The following TNKS variants were observed in gnomAD, a reference collection of about 807,000 sequenced individuals.
TNKS encodes tankyrase.
A neutral mutation model predicts 135.8 loss-of-function variants in TNKS; 72 were observed. That is an observed-to-expected ratio of 0.53 (90% CI 0.44 to 0.64). TNKS has a LOEUF of 0.64. Among genes scored for constraint, TNKS ranks in the 30% least tolerant of loss-of-function variants. The probability of loss-of-function intolerance (pLI) is 0.00; values close to 1 mark genes in which losing one functional copy is unlikely to be tolerated. For missense variants in TNKS, 1,769 were observed against 1,674.0 expected, an observed-to-expected ratio of 1.06 and a Z score of -0.99; for synonymous variants, 849 against 649.3, an observed-to-expected ratio of 1.31 and a Z score of -4.68.
At chr8:9,568,540 G>A (rs1303596555) in intron 1 of TNKS, among the ~76,000 whole-genome samples, 1 of 152,120 alleles carries the variant, frequency 6.6e-6, no homozygotes, top group Admixed American at 6.5e-5. Context: ...TCCATTATAT[G>A]TAAATATGTG....
chr8:9,701,184 G>A (rs1209471530), intron 5 of TNKS, among the ~76,000 whole-genome samples: 3 of 152,070 alleles, frequency 2.0e-5, no homozygotes, highest in Non-Finnish European at 4.4e-5. Flanking sequence ...TGATCCGCCC[G>A]CCTCAGCCTC....
chr8:9,608,704 A>T (rs942431558), intron 2 of TNKS, among the ~76,000 whole-genome samples: 1 of 152,174 alleles, frequency 6.6e-6, no homozygotes, highest in Non-Finnish European at 1.5e-5. Flanking sequence ...ACTCCAGCCA[A>T]TTCTTCTGCC....
At chr8:9,726,266 G>C (rs1041925565) in intron 12 of TNKS, among the ~76,000 whole-genome samples, 5 of 152,058 alleles carry the variant, frequency 3.3e-5, no homozygotes, top group Non-Finnish European at 7.4e-5. Flanking sequence ...TGGTGTACAC[G>C]TGTGGTCTCA....
chr8:9,654,888 G>T (rs979237174), intron 3 of TNKS, among the ~76,000 whole-genome samples: 1 of 149,548 alleles, frequency 6.7e-6, no homozygotes, highest in African/African-American at 2.6e-5. Context: ...GGGGAGTGCC[G>T]GACAGTGGGT....
intron 5 of TNKS, among the ~76,000 whole-genome samples, chr8:9,684,389 G>C (rs1250473738): frequency 6.6e-6 from 1 of 151,886 alleles, no homozygotes; most frequent in Non-Finnish European, 1.5e-5. Flanking sequence ...TATAATAAAT[G>C]AAAATAAATA....
At chr8:9,631,591 G>A (rs147968334) in intron 3 of TNKS, among the ~76,000 whole-genome samples, 1 of 152,254 alleles carries the variant, frequency 6.6e-6, no homozygotes, top group East Asian at 1.9e-4. Context: ...TTCTGCTTTA[G>A]AATATAGGGA....
At chr8:9,759,969 C>CTCTG (rs1491144591) in intron 20 of TNKS, among the ~76,000 whole-genome samples, 2 of 150,674 alleles carry the variant, frequency 1.3e-5, no homozygotes, top group Middle Eastern at 6.8e-3. Context: ...CAGAGCGAGA[C>CTCTG]TCTGTCTCAA....
intron 26 of TNKS, among the ~76,000 whole-genome samples, chr8:9,774,765 C>T (rs1284392166): frequency 2.0e-5 from 3 of 152,152 alleles, no homozygotes; most frequent in Non-Finnish European, 4.4e-5. Flanking sequence ...CTAAGATGGA[C>T]GTGTGTCAGG....
chr8:9,745,525 C>T (rs1005978521), intron 17 of TNKS, among the ~76,000 whole-genome samples: 1 of 152,124 alleles, frequency 6.6e-6, no homozygotes, highest in Non-Finnish European at 1.5e-5. Flanking sequence ...CTGCCTCAGC[C>T]TCCCAAGTAG....
chr8:9,747,567 G>C (rs1198475951), intron 17 of TNKS, among the ~76,000 whole-genome samples: 1 of 152,156 alleles, frequency 6.6e-6, no homozygotes, highest in Admixed American at 6.5e-5. Context: ...GAGTATTTCA[G>C]TAAATCTGAT....
At chr8:9,620,519 C>G (rs966079338) in intron 3 of TNKS, among the ~76,000 whole-genome samples, 5 of 152,224 alleles carry the variant, frequency 3.3e-5, no homozygotes, top group Non-Finnish European at 7.3e-5. Flanking sequence ...TATATTCCCA[C>G]AGCCTCTGAA....
intron 20 of TNKS, among the ~76,000 whole-genome samples, chr8:9,757,907 T>G (rs2128831654): frequency 6.6e-6 from 1 of 152,346 alleles, no homozygotes; most frequent in Non-Finnish European, 1.5e-5. Flanking sequence ...AGCTTTTCAT[T>G]GAAGGTTTTT....
intron 3 of TNKS, among the ~76,000 whole-genome samples, chr8:9,675,358 C>T (rs976674462): frequency 6.6e-6 from 1 of 152,202 alleles, no homozygotes; most frequent in South Asian, 2.1e-4. Flanking sequence ...CATGGTACTA[C>T]TTAGCACTCT....
At chr8:9,764,220 G>C (rs756186716) in intron 22 of TNKS, among the ~76,000 whole-genome samples, 2 of 152,052 alleles carry the variant, frequency 1.3e-5, no homozygotes, top group African/African-American at 2.4e-5. Context: ...TCAGAAGACA[G>C]TTATTCCCTT....
chr8:9,746,133 T>C (rs1004766633), intron 17 of TNKS, among the ~76,000 whole-genome samples: 1 of 152,184 alleles, frequency 6.6e-6, no homozygotes. Flanking sequence ...TTATCCAAAC[T>C]GACCAAGTTA....
chr8:9,709,402 A>G (rs1804207446), intron 9 of TNKS, among the ~76,000 whole-genome samples: 1 of 152,184 alleles, frequency 6.6e-6, no homozygotes, highest in Non-Finnish European at 1.5e-5. Context: ...TTAAATTTTA[A>G]TACGAATATT....
chr8:9,628,679 A>G (rs776621101), intron 3 of TNKS, among the ~76,000 whole-genome samples: 6 of 152,066 alleles, frequency 3.9e-5, no homozygotes, highest in Non-Finnish European at 7.4e-5. Flanking sequence ...AATGGCATCT[A>G]TGTGCTAAAG....
rs185411653 is a variant in TNKS, at chr8:9,780,912, G to C, written c.*4176G>C. 1.1e-4 allele frequency: 16 copies of C among 152,332 alleles called. No homozygotes were observed. The highest frequency in any genetic ancestry group is 2.0e-4 in the Admixed American group (3 of 15,302). The allele number at this position is 152,332 out of a possible 1,614,324, so 9.4% of individuals were successfully genotyped here. The stretch of plus-strand genomic sequence containing the variant: ...TTCTGGTTTGGAGAAGTGCTGGAAA[G>C]ATTTCAAAGCCTATTCAGTTGTGTA... On this transcript the variant is annotated 3_prime_UTR_variant, in exon 27 of 27. Transcript: ENST00000310430.
intron 11 of TNKS, among the ~76,000 whole-genome samples, chr8:9,713,281 T>G (rs1289178835): frequency 6.6e-6 from 1 of 152,232 alleles, no homozygotes; most frequent in African/African-American, 2.4e-5. Flanking sequence ...CTTAGGAGCT[T>G]TGTACATTTA....
Sources: gnomAD v4.1 joint callset for allele counts (sites outside exome capture counted in the v4.1 genomes callset) on GRCh38, gnomAD v4.1.1 for gene constraint, MANE v1.5 for transcripts, NCBI Gene and HGNC (gene_info 2026-07-23, HGNC 2026-07-21) for gene names.